Variants in ULK4 observed in about 807,000 individuals in gnomAD.
ULK4 encodes the protein unc-51 like kinase 4, also known as inactive serine/threonine-protein kinase ULK4.
A neutral mutation model predicts 160.6 loss-of-function variants in ULK4; 133 were observed. The ratio of observed to expected loss-of-function variants is 0.83; its 90% CI spans 0.72 to 0.96. The LOEUF (loss-of-function observed/expected upper bound fraction) is 0.96. Ranked by LOEUF, ULK4 falls within the 40% of genes least tolerant of loss-of-function variation. ULK4 has a pLI of 0.00. For missense variants in ULK4, 1,580 were observed against 1,499.5 expected (o/e 1.05, Z -0.89); for synonymous variants, 534 against 539.8 (o/e 0.99, Z 0.15).
At position 41,305,369 on chromosome 3, in the gene ULK4, T is replaced by C. The variant is rs186952210; in HGVS notation, c.3679-55795A>G. Among the ~76,000 whole-genome samples, 994 of 152,326 alleles carry C rather than the reference T, an allele frequency of 6.5e-3. 4 individuals are homozygous for C. Among genetic ancestry groups the C allele is most frequent in the Non-Finnish European group, 0.011 (719 of 68,026 alleles). Reference sequence around the variant, plus strand: ...ACTGAGCATGCTGAGTGCCTGCGATTGCAGGCTCGAGCCGCCACGCCTGAC... The same window carrying C: ...ACTGAGCATGCTGAGTGCCTGCGATCGCAGGCTCGAGCCGCCACGCCTGAC... On this transcript the variant is annotated intron_variant, in intron 35 of 36. Coordinates refer to ENST00000301831, the MANE Select transcript of ULK4 (RefSeq NM_017886.4).
chr3:41,864,816 AC>A (rs1396307263), intron 17 of ULK4, among the ~76,000 whole-genome samples: 1 of 152,084 alleles, frequency 6.6e-6, no homozygotes, highest in Non-Finnish European at 1.5e-5. Context: ...CTGATCTAAG[AC>A]CAATTACCCT....
At position 41,398,115 on chromosome 3, in the gene ULK4, C is replaced by T. The variant is rs745367851; in HGVS notation, c.3642G>A (p.Lys1214=). The T allele has an allele frequency of 2.5e-6, 4 of 1,613,290 alleles. No individual in the cohort carries two copies. Among genetic ancestry groups the T allele is most frequent in the Admixed American group, 3.3e-5 (2 of 59,880 alleles). The change falls in exon 35 of 37, where the codon AAG becomes AAA. Residue 1214 remains lysine (K), a synonymous_variant. Coordinates refer to ENST00000301831, the MANE Select transcript of ULK4 (RefSeq NM_017886.4). ...AHLLTSKEDP[K]EQKLLLRILR... is the part of the protein sequence containing the mutation. ...GAATCCTTAACAGAAGCTTCTGCTC[C>T]TTTGGGTCCTCCTTGGATGTCAGTA... is the stretch of plus-strand genomic sequence containing the variant.
Position 41,812,770 on chromosome 3 carries a change from A to C in ULK4, c.1848+6653T>G, listed in dbSNP as rs924857394. Among the ~76,000 whole-genome samples the C allele has an allele frequency of 5.9e-5, 9 of 152,356 alleles. No individual in the cohort carries two copies. The East Asian group carries it at 9.6e-4, about 16-fold the overall frequency. On this transcript the variant is annotated intron_variant, in intron 19 of 36. Coordinates refer to ENST00000301831, the MANE Select transcript of ULK4 (RefSeq NM_017886.4). ...CCTTCAAGTTTGTGCCCATTAGCAA[A>C]GATAAATTTTCTCCTTGGGATCACT...
intron 35 of ULK4, among the ~76,000 whole-genome samples, chr3:41,360,260 A>G (rs1028651098): frequency 1.3e-5 from 2 of 152,198 alleles, no homozygotes; most frequent in Non-Finnish European, 2.9e-5. Flanking sequence ...AAAAAGTCAA[A>G]AAACAACAAT....
chr3:41,428,026 C>T (rs2082816826), intron 34 of ULK4, among the ~76,000 whole-genome samples: 1 of 152,180 alleles, frequency 6.6e-6, no homozygotes, highest in African/African-American at 2.4e-5. Flanking sequence ...AAAACTCCAT[C>T]ATCTCAGCCC....
chr3:41,265,516 G>A (rs563162982), intron 35 of ULK4, among the ~76,000 whole-genome samples: 1 of 152,320 alleles, frequency 6.6e-6, no homozygotes, highest in Admixed American at 6.5e-5. Flanking sequence ...AAATGGAAAG[G>A]AAAATTGAAG....
chr3:41,696,718 C>A (rs2036516455), intron 27 of ULK4, among the ~76,000 whole-genome samples: 1 of 148,850 alleles, frequency 6.7e-6, no homozygotes, highest in Non-Finnish European at 1.5e-5. Flanking sequence ...ATTTACATAG[C>A]AAAAGGGAAT....
chr3:41,334,275 C>G (rs954705736), intron 35 of ULK4, among the ~76,000 whole-genome samples: 2 of 152,172 alleles, frequency 1.3e-5, no homozygotes, highest in African/African-American at 2.4e-5. Context: ...GGTTGAGAGG[C>G]TGCCTCATCT....
intron 35 of ULK4, among the ~76,000 whole-genome samples, chr3:41,388,169 C>A (rs1219454587): frequency 6.6e-6 from 1 of 152,128 alleles, no homozygotes; most frequent in Non-Finnish European, 1.5e-5. Flanking sequence ...GCATAAATGT[C>A]TTCTTTTGAG....
At chr3:41,370,127 G>T (rs7637424) in intron 35 of ULK4, among the ~76,000 whole-genome samples, 40,884 of 151,684 alleles carry the variant, frequency 0.27, 5,820 homozygotes, top group South Asian at 0.4. Context: ...AACCTGCTCA[G>T]AACCATTACA....
intron 33 of ULK4, among the ~76,000 whole-genome samples, chr3:41,460,910 G>A (rs2083668608): frequency 6.6e-6 from 1 of 152,088 alleles, no homozygotes; most frequent in Non-Finnish European, 1.5e-5. Flanking sequence ...CTTGCCCGAG[G>A]TTACAGAGGT....
rs536041008 is a variant in ULK4 at position 41,585,201 on chromosome 3, A to G, written c.3121-19071T>C. On this transcript the variant is annotated intron_variant, in intron 31 of 36. Transcript: ENST00000301831. ...CATATGAATTCTCAAAAGACCTAAA[A>G]AAGCCAAAAAATCTTGAAAAAGATG... 2.6e-5 allele frequency among the ~76,000 whole-genome samples: 4 copies of G among 152,312 alleles called. No homozygotes were observed. The South Asian group carries it at 8.3e-4, about 32-fold the overall frequency.
rs1299761571 is a variant in ULK4 at position 41,265,466 on chromosome 3, G to A, written c.3679-15892C>T. Among the ~76,000 whole-genome samples, 5 of 152,188 alleles carry A rather than the reference G, an allele frequency of 3.3e-5. No homozygotes were observed. The East Asian group carries it at 5.8e-4, about 18-fold the overall frequency. On this transcript the variant is annotated intron_variant, in intron 35 of 36. Coordinates refer to ENST00000301831, the MANE Select transcript of ULK4 (RefSeq NM_017886.4). ...GCTCTCTAATGAAACATTAGGGGCC[G>A]CCAAAATTCCTTCAAATTAATAAAA...
intron 27 of ULK4, among the ~76,000 whole-genome samples, chr3:41,687,102 T>A (rs1381264146): frequency 6.6e-6 from 1 of 151,810 alleles, no homozygotes; most frequent in South Asian, 2.1e-4. Flanking sequence ...AGGCTGGGCG[T>A]AGTGGTTCAT....
At chr3:41,961,878 G>A (rs1222156608) in intron 1 of ULK4, 138 bp downstream of exon 1, 2 of 152,936 alleles carry the variant, frequency 1.3e-5, no homozygotes, top group African/African-American at 4.8e-5. Flanking sequence ...CAGGGGGTAC[G>A]GGGTCCACTG....
chr3:41,960,369 C>T (rs77827003), intron 1 of ULK4, among the ~76,000 whole-genome samples: 41 of 135,244 alleles, frequency 3.0e-4, no homozygotes, highest in African/African-American at 1.2e-3. Flanking sequence ...AAATGATTTT[C>T]TTTTTTTTTT....
At chr3:41,809,166 A>G (rs1050127215) in intron 19 of ULK4, among the ~76,000 whole-genome samples, 2 of 80,064 alleles carry the variant, frequency 2.5e-5, no homozygotes, top group Admixed American at 2.5e-4. Flanking sequence ...ACTCCGTCTC[A>G]AAAAAAAAAC....
In ULK4 at chr3:41,461,455, C is replaced by G. The variant is rs143986296; in HGVS notation, c.3393+1632G>C. ...ACCTAATTCAGCCTCAAGGACTCCTCCTCCTTCATATTGACACCAGGTGTC... is the reference window on the plus strand; with the variant it reads ...ACCTAATTCAGCCTCAAGGACTCCTGCTCCTTCATATTGACACCAGGTGTC... On this transcript the variant is annotated intron_variant, in intron 33 of 36. Coordinates refer to ENST00000301831, the MANE Select transcript of ULK4 (RefSeq NM_017886.4). Among the ~76,000 whole-genome samples the G allele has an allele frequency of 4.9e-3, 744 of 152,274 alleles. 9 individuals carry two copies. The highest frequency in any genetic ancestry group is 0.013 in the African/African-American group (540 of 41,556).
chr3:41,835,832 A>C (rs1347134510), intron 18 of ULK4, 32 bp downstream of exon 18: 1 of 1,495,006 alleles, frequency 6.7e-7, no homozygotes, highest in Non-Finnish European at 9.2e-7. Context: ...AGAACATGTC[A>C]AACAGCAACA....
Sources: allele counts gnomAD v4.1 joint callset (sites outside exome capture counted in the v4.1 genomes callset), GRCh38; gene constraint gnomAD v4.1.1; transcripts MANE v1.5; gene names NCBI Gene and HGNC (gene_info 2026-07-23, HGNC 2026-07-21).